Variants in SRGAP3 observed in about 807,000 individuals in gnomAD.
SRGAP3 encodes the protein SLIT-ROBO Rho GTPase-activating protein 3.
A neutral mutation model predicts 121.1 loss-of-function variants in SRGAP3; 39 were observed. The observed-to-expected ratio is 0.32, with a 90% confidence interval of 0.25 to 0.42. The LOEUF is 0.42. Ranked by LOEUF, SRGAP3 falls within the 10% of genes least tolerant of loss-of-function variation. The probability of loss-of-function intolerance (pLI) is 1.00; values close to 1 mark genes in which losing one functional copy is unlikely to be tolerated. For missense variants in SRGAP3, 1,213 were observed against 1,470.6 expected (o/e 0.82, Z 2.86); for synonymous variants, 601 against 570.0 (o/e 1.05, Z -0.77).
At chr3:9,169,294 G>C (rs1296416631) in intron 1 of SRGAP3, among the ~76,000 whole-genome samples, 1 of 152,206 alleles carries the variant, frequency 6.6e-6, no homozygotes, top group Non-Finnish European at 1.5e-5. Context: ...CATAGCCCCT[G>C]CCCTTGTGGA....
At chr3:9,036,006 A>G (rs942047804) in intron 11 of SRGAP3, 7 of 152,248 alleles carry the variant, frequency 4.6e-5, no homozygotes, top group Non-Finnish European at 1.0e-4. Context: ...TTGAATCACA[A>G]TAATCAAACC....
intron 9 of SRGAP3, among the ~76,000 whole-genome samples, chr3:9,052,200 C>A (rs1235680645): frequency 6.6e-6 from 1 of 152,196 alleles, no homozygotes; most frequent in Non-Finnish European, 1.5e-5. Flanking sequence ...CAGCTCCCTG[C>A]AACCATGTGA....
rs1488420920 is a variant in SRGAP3, at chr3:9,300,402, CCTT to C, written n.442+25605_442+25607del. Among the ~76,000 whole-genome samples, 5 of 151,822 alleles carry C rather than the reference CCTT, an allele frequency of 3.3e-5. No individual in the cohort carries two copies. In the South Asian group the frequency reaches 6.3e-4, roughly 19 times the overall value. The stretch of plus-strand genomic sequence containing the variant: ...GCCTGCCTGAGAAATTGCCATCTGT[CCTT>C]CTGTGACGCTTCCTCACATCTCCCC... On this transcript the variant is annotated intron_variant and non_coding_transcript_variant, in intron 3 of 3. Transcript: ENST00000490889.
chr3:9,321,304 T>A (rs1955434742), intron 3 of SRGAP3, among the ~76,000 whole-genome samples: 1 of 151,934 alleles, frequency 6.6e-6, no homozygotes, highest in African/African-American at 2.4e-5. Flanking sequence ...TCTGCTCTGC[T>A]GTCTGAATTC....
At chr3:9,299,051 C>CAAAAAAA (rs71049787) in intron 3 of SRGAP3, among the ~76,000 whole-genome samples, 18 of 70,350 alleles carry the variant, frequency 2.6e-4, no homozygotes, top group Middle Eastern at 9.6e-3. Context: ...GACTCCATCT[C>CAAAAAAA]AAAAAAAAAA....
chr3:9,069,276 C>T (rs899118758), intron 4 of SRGAP3, among the ~76,000 whole-genome samples: 14 of 152,200 alleles, frequency 9.2e-5, no homozygotes, highest in Admixed American at 5.2e-4. Flanking sequence ...TCTCCGTGTC[C>T]GCCTGGTGAA....
At chr3:9,007,574 CTCAGTTTTTCTA>C (rs1943143608) in intron 18 of SRGAP3, 1 of 152,192 alleles carries the variant, frequency 6.6e-6, no homozygotes, top group East Asian at 1.9e-4. Flanking sequence ...TTCTCCAGGA[CTCAGTTTTTCTA>C]TCAGGATTAG....
At chr3:9,140,604 C>G (rs1188911459) in intron 1 of SRGAP3, among the ~76,000 whole-genome samples, 1 of 152,170 alleles carries the variant, frequency 6.6e-6, no homozygotes, top group Non-Finnish European at 1.5e-5. Context: ...CAGGCCATAT[C>G]ATCTCTATTA....
intron 1 of SRGAP3, among the ~76,000 whole-genome samples, chr3:9,161,254 CA>C (rs1339255738): frequency 1.3e-5 from 2 of 152,232 alleles, no homozygotes; most frequent in African/African-American, 4.8e-5. Flanking sequence ...ATGTCAGTAT[CA>C]CCAGTAATGG....
rs910453041 is a variant in SRGAP3 at position 9,194,662 on chromosome 3, C to A, written c.67+54223G>T. Among the ~76,000 whole-genome samples, 3 of 152,340 alleles carry A rather than the reference C, an allele frequency of 2.0e-5. No individual in the cohort carries two copies. The East Asian group carries it at 5.8e-4, about 29-fold the overall frequency. Reference sequence around the variant, plus strand: ...TGGGTGAGAAAACAGAGATGTAAAACAACCTTCTCCCAAAGTCAACAGCAA... The same window carrying A: ...TGGGTGAGAAAACAGAGATGTAAAAAAACCTTCTCCCAAAGTCAACAGCAA... On this transcript the variant is annotated intron_variant, in intron 1 of 21. Coordinates refer to ENST00000383836, the MANE Select transcript of SRGAP3 (RefSeq NM_014850.4).
chr3:9,214,324 G>C (rs7618381), intron 1 of SRGAP3, among the ~76,000 whole-genome samples: 38,022 of 152,108 alleles, frequency 0.25, 5,584 homozygotes, highest in Admixed American at 0.39. Context: ...CAGTCATATG[G>C]GGCAGGTAGC....
At chr3:9,330,013 T>C (rs961951949) in intron 2 of SRGAP3, among the ~76,000 whole-genome samples, 1 of 152,234 alleles carries the variant, frequency 6.6e-6, no homozygotes. Context: ...TTATCTTTAG[T>C]AAGATTTTGC....
At chr3:9,245,757 C>A (rs1220363151) in intron 1 of SRGAP3, among the ~76,000 whole-genome samples, 1 of 152,096 alleles carries the variant, frequency 6.6e-6, no homozygotes, top group Non-Finnish European at 1.5e-5. Flanking sequence ...AACCCCGTCT[C>A]TACTAAAAAT....
intron 1 of SRGAP3, among the ~76,000 whole-genome samples, chr3:9,176,444 A>G (rs1032294671): frequency 6.6e-6 from 1 of 152,240 alleles, no homozygotes; most frequent in African/African-American, 2.4e-5. Context: ...CTCCAAAAGG[A>G]GCACAGATTA....
chr3:9,118,591 A>T (rs998187965), intron 2 of SRGAP3, among the ~76,000 whole-genome samples: 1 of 152,186 alleles, frequency 6.6e-6, no homozygotes, highest in Non-Finnish European at 1.5e-5. Flanking sequence ...CCCAAAAGTG[A>T]GTTGAAAACC....
chr3:9,067,279 T>C (rs1946475698), intron 4 of SRGAP3, among the ~76,000 whole-genome samples: 1 of 152,126 alleles, frequency 6.6e-6, no homozygotes, highest in South Asian at 2.1e-4. Flanking sequence ...TATGCCATGT[T>C]TCTCCCTTCT....
At chr3:8,987,323 A>G (rs550576047) in intron 21 of SRGAP3, among the ~76,000 whole-genome samples, 11 of 152,238 alleles carry the variant, frequency 7.2e-5, no homozygotes, top group Non-Finnish European at 1.3e-4. Context: ...CGAGGGCACC[A>G]TGAGGGATAC....
chr3:9,007,978 A>C (rs1294327544), intron 18 of SRGAP3: 1 of 152,242 alleles, frequency 6.6e-6, no homozygotes. Context: ...TAATACACAC[A>C]GGATACTTTG....
At chr3:9,173,203 C>T (rs1335637711) in intron 1 of SRGAP3, among the ~76,000 whole-genome samples, 1 of 152,164 alleles carries the variant, frequency 6.6e-6, no homozygotes, top group Non-Finnish European at 1.5e-5. Context: ...TTCAGCAGGC[C>T]GAATGGAGCA....
Sources: gnomAD v4.1 joint callset for allele counts (sites outside exome capture counted in the v4.1 genomes callset) on GRCh38, gnomAD v4.1.1 for gene constraint, MANE v1.5 for transcripts, NCBI Gene and HGNC (gene_info 2026-07-23, HGNC 2026-07-21) for gene names.